Variants in NBAS observed in about 807,000 individuals in gnomAD.
NBAS encodes the protein NAG/BC035112 fusion.
A neutral mutation model predicts 302.5 loss-of-function variants in NBAS; 219 were observed. That is an observed-to-expected ratio of 0.72 (90% CI 0.65 to 0.81). The LOEUF (loss-of-function observed/expected upper bound fraction) is 0.81, where lower values mean the gene tolerates loss of function less well. Ranked by LOEUF, NBAS falls within the 30% of genes least tolerant of loss-of-function variation. The pLI is 0.00. For synonymous variants in NBAS, 1,118 were observed against 1,021.6 expected (o/e 1.09, Z -1.80); for missense variants, 2,932 against 2,841.6 (o/e 1.03, Z -0.72).
chr2:15,231,227 G>A (rs555380978), intron 47 of NBAS, among the ~76,000 whole-genome samples: 2 of 152,290 alleles, frequency 1.3e-5, no homozygotes, highest in East Asian at 1.9e-4. Flanking sequence ...CTGCTACAGC[G>A]ACTTTCCTAT....
the NBAS span, among the ~76,000 whole-genome samples, chr2:15,068,174 G>A: frequency 6.6e-6 from 1 of 152,166 alleles, no homozygotes; most frequent in Non-Finnish European, 1.5e-5. Context: ...CCTCAGGCAG[G>A]TCCCCTACAT....
intron 11 of NBAS, among the ~76,000 whole-genome samples, chr2:15,492,922 G>A (rs1680922130): frequency 6.6e-6 from 1 of 152,176 alleles, no homozygotes; most frequent in South Asian, 2.1e-4. Flanking sequence ...GAGTCTGAGT[G>A]TCTGTTGGTG....
the NBAS span, among the ~76,000 whole-genome samples, chr2:14,907,996 A>G: frequency 4.7e-3 from 719 of 152,350 alleles, 7 homozygotes; most frequent in African/African-American, 0.016. Flanking sequence ...CATCACCTGG[A>G]AACTCATTAG....
At chr2:15,354,594 A>G (rs1673524011) in intron 33 of NBAS, among the ~76,000 whole-genome samples, 1 of 152,242 alleles carries the variant, frequency 6.6e-6, no homozygotes, top group Admixed American at 6.5e-5. Context: ...TATGGAACAC[A>G]GCTCATTTAT....
intron 22 of NBAS, 64 bp downstream of exon 22, chr2:15,427,647 A>T: frequency 1.5e-6 from 2 of 1,350,640 alleles, no homozygotes; most frequent in Non-Finnish European, 1.0e-6. Context: ...CACCACTTTC[A>T]CAGGGCCATC....
intron 38 of NBAS, among the ~76,000 whole-genome samples, chr2:15,315,043 T>C (rs1047307971): frequency 6.6e-6 from 1 of 152,132 alleles, no homozygotes; most frequent in Non-Finnish European, 1.5e-5. Flanking sequence ...GCTAAGACTT[T>C]CTAGGGTGGC....
chr2:15,190,460 A>G (rs1665298313), intron 48 of NBAS, 57 bp from the exon 49 acceptor site: 3 of 1,589,372 alleles, frequency 1.9e-6, no homozygotes, highest in Non-Finnish European at 2.6e-6. Flanking sequence ...ATTGGTTTAT[A>G]GAATAATTCT....
the NBAS span, among the ~76,000 whole-genome samples, chr2:14,875,398 C>T: frequency 1.3e-5 from 2 of 152,022 alleles, no homozygotes; most frequent in African/African-American, 2.4e-5. Context: ...GTGGCGAACA[C>T]GAGGTCAGGA....
chr2:15,474,047 G>A lies in NBAS; in HGVS notation c.1599+20C>T, dbSNP rs1404669847. 2 of 1,613,920 alleles carry A rather than the reference G, an allele frequency of 1.2e-6. No individual in the cohort carries two copies. Among genetic ancestry groups the A allele is most frequent in the Non-Finnish European group, 1.7e-6 (2 of 1,180,014 alleles). ...AGCTTGATGACTTCAAACTTGGGTA[G>A]TAATATGCTACTCTCTCACCTTCCT... On this transcript the variant is annotated intron_variant, in intron 15 of 51. Transcript: ENST00000281513.
At chr2:14,873,701 A>C in the NBAS span, among the ~76,000 whole-genome samples, 3 of 151,074 alleles carry the variant, frequency 2.0e-5, no homozygotes, top group East Asian at 1.9e-4. Flanking sequence ...AAAAAAAAAA[A>C]CCCACACATA....
chr2:15,491,593 A>G (rs1039566913), intron 11 of NBAS, among the ~76,000 whole-genome samples: 4 of 152,186 alleles, frequency 2.6e-5, no homozygotes, highest in Non-Finnish European at 5.9e-5. Context: ...AAAATTAGCC[A>G]GGCGTGGTGG....
intron 22 of NBAS, among the ~76,000 whole-genome samples, chr2:15,424,772 GC>G: frequency 6.6e-6 from 1 of 152,270 alleles, no homozygotes; most frequent in Middle Eastern, 3.4e-3. Flanking sequence ...ACCGAGGGAA[GC>G]TTTTACAAAA....
chr2:15,012,858 T>C, the NBAS span, among the ~76,000 whole-genome samples: 1 of 151,622 alleles, frequency 6.6e-6, no homozygotes, highest in Admixed American at 6.6e-5. Flanking sequence ...GCAAAAACTA[T>C]GGAATTTTTT....
At chr2:14,833,042 G>A in the NBAS span, among the ~76,000 whole-genome samples, 7 of 152,160 alleles carry the variant, frequency 4.6e-5, no homozygotes, top group East Asian at 5.8e-4. Context: ...TCTAAAGCAC[G>A]TATTTCTTTA....
chr2:15,255,682 T>TG (rs1268750967), intron 44 of NBAS, among the ~76,000 whole-genome samples: 1 of 152,186 alleles, frequency 6.6e-6, no homozygotes, highest in African/African-American at 2.4e-5. Context: ...ATGCTTCAGG[T>TG]GTTAGATTTA....
the NBAS span, among the ~76,000 whole-genome samples, chr2:15,060,257 T>C: frequency 6.6e-6 from 1 of 152,188 alleles, no homozygotes; most frequent in African/African-American, 2.4e-5. Flanking sequence ...CCCCCTGCCA[T>C]GTCCGGGGAG....
At chr2:15,439,976 A>G (rs144054482) in intron 21 of NBAS, among the ~76,000 whole-genome samples, 1 of 152,238 alleles carries the variant, frequency 6.6e-6, no homozygotes, top group African/African-American at 2.4e-5. Context: ...CATTGCCCAG[A>G]CTTGCTTAGG....
chr2:15,188,327 A>G (rs760408980), intron 49 of NBAS, among the ~76,000 whole-genome samples: 1 of 152,246 alleles, frequency 6.6e-6, no homozygotes, highest in African/African-American at 2.4e-5. Context: ...GATGGGCAAC[A>G]TACCATCATT....
the NBAS span, chr2:14,890,651 C>T: frequency 0.038 from 5,785 of 152,206 alleles, 137 homozygotes; most frequent in Non-Finnish European, 0.051. Flanking sequence ...AATCCTGTAT[C>T]TACTAAAAAT....
Sources: allele counts gnomAD v4.1 joint callset (sites outside exome capture counted in the v4.1 genomes callset), GRCh38; gene constraint gnomAD v4.1.1; transcripts MANE v1.5; gene names NCBI Gene and HGNC (gene_info 2026-07-23, HGNC 2026-07-21).